VPS50: variants seen among roughly 807,000 people sequenced by gnomAD.
VPS50 encodes VPS50 subunit of EARP/GARPII complex.
VPS50 carries 70 observed loss-of-function variants against 139.7 expected under a neutral mutation model. The observed-to-expected ratio is 0.50, with a 90% confidence interval of 0.41 to 0.61. The LOEUF (loss-of-function observed/expected upper bound fraction) is 0.61. Ranked by LOEUF, VPS50 falls within the 20% of genes least tolerant of loss-of-function variation. The pLI, the probability that VPS50 is intolerant of heterozygous loss-of-function variation, is 0.00. For missense variants in VPS50, 921 were observed against 1,133.7 expected (o/e 0.81, Z 2.69); for synonymous variants, 365 against 376.7 (o/e 0.97, Z 0.36).
intron 1 of VPS50, among the ~76,000 whole-genome samples, chr7:93,236,974 A>G (rs1449910068): frequency 1.0e-5 from 1 of 96,412 alleles, no homozygotes; most frequent in Non-Finnish European, 1.9e-5. Context: ...TTTTTTCGAG[A>G]CAGTCTCACT....
intron 23 of VPS50, among the ~76,000 whole-genome samples, chr7:93,343,064 C>A (rs1406984575): frequency 6.6e-6 from 1 of 151,918 alleles, no homozygotes; most frequent in African/African-American, 2.4e-5. Flanking sequence ...AAACCAAAGG[C>A]AAAGAAGTAG....
chr7:93,274,458 A>C (rs916421103), intron 11 of VPS50, among the ~76,000 whole-genome samples: 4 of 152,104 alleles, frequency 2.6e-5, no homozygotes, highest in African/African-American at 9.7e-5. Flanking sequence ...CTGTAAGTGG[A>C]GTAACAAAGC....
At chr7:93,305,801 G>T in intron 17 of VPS50, 27 bp from the exon 18 acceptor site, 2 of 1,585,426 alleles carry the variant, frequency 1.3e-6, no homozygotes, top group Non-Finnish European at 1.7e-6. Context: ...TTGCTAAAGG[G>T]TATCTGGCTC....
At chr7:93,323,927 G>T (rs1240157487) in intron 21 of VPS50, among the ~76,000 whole-genome samples, 195 bp downstream of exon 21, 2 of 152,092 alleles carry the variant, frequency 1.3e-5, no homozygotes, top group African/African-American at 2.4e-5. Flanking sequence ...GCTTTGGTAT[G>T]ATAAACACAT....
chr7:93,276,331 A>G (rs143451985), intron 12 of VPS50, 26 bp downstream of exon 12: 153 of 1,585,666 alleles, frequency 9.6e-5, no homozygotes, highest in Non-Finnish European at 1.3e-4. Flanking sequence ...ATTACTATTC[A>G]TATATCTCTC....
Position 93,272,641 on chromosome 7 carries a change from C to T in VPS50, c.709C>T (p.Leu237=). The T allele has an allele frequency of 6.8e-7, 1 of 1,461,230 alleles. No homozygotes were observed. The highest frequency in any genetic ancestry group is 2.4e-5 in the East Asian group (1 of 41,758). The allele number at this position is 1,461,230 out of a possible 1,614,324, so 90.5% of individuals were successfully genotyped here. ...TCTTCTTTTAATTATATAGGAACAG[C>T]TGGACGTAGCTCTTTCCAAAATCTG... ...QDTLEQIEEQ[L]DVALSKICKN... Residue 237 remains leucine, a synonymous_variant, in exon 11 of 28, where the codon CTG becomes TTG. Coordinates refer to ENST00000305866, the MANE Select transcript of VPS50 (RefSeq NM_017667.4).
intron 26 of VPS50, 52 bp downstream of exon 26, chr7:93,353,813 T>C: frequency 7.3e-7 from 1 of 1,363,700 alleles, no homozygotes; most frequent in Non-Finnish European, 1.0e-6. Flanking sequence ...AATTGTAATA[T>C]ATGAATAACA....
At position 93,354,950 on chromosome 7, in the gene VPS50, TGA is replaced by T. The variant is rs548485277; in HGVS notation, c.2586-940_2586-939del. ...AATAATGTATTAGAAAGTGGGAAGA[TGA>T]CAGTGACAAGCTGACAACAGTCGTG... is the stretch of plus-strand genomic sequence containing the variant. On this transcript the variant is annotated intron_variant, in intron 26 of 27. Transcript: ENST00000305866. Among the ~76,000 whole-genome samples, 10 of 152,280 alleles carry T rather than the reference TGA, an allele frequency of 6.6e-5. No homozygotes were observed. In the South Asian group the frequency reaches 1.9e-3, roughly 28 times the overall value.
At chr7:93,294,748 A>G (rs1796757408) in intron 14 of VPS50, 112 bp downstream of exon 14, 4 of 786,226 alleles carry the variant, frequency 5.1e-6, no homozygotes, top group East Asian at 2.8e-5. Flanking sequence ...AGATTTAATC[A>G]TATGTTTCTG....
chr7:93,272,687 A>C lies in VPS50; in HGVS notation c.755A>C (p.His252Pro). Residue 252 changes from histidine (H) to proline (P), a missense_variant, in exon 11 of 28, where the codon CAT becomes CCT. His to Pro is a moderately conservative substitution (Grantham distance 77, BLOSUM62 -2). This residue lies in a region of VPS50 where 744 missense variants were observed against 930.6 expected (regional missense o/e 0.80). Transcript: ENST00000305866. Reference protein sequence around the residue: ...SKICKNFDINHYTKVQQAYRL... With the variant: ...SKICKNFDINPYTKVQQAYRL... ...ATCTGCAAGAATTTTGACATTAACCATTATACCAAGGTTCAACAAGCTTAT... is the reference window on the plus strand; with the variant it reads ...ATCTGCAAGAATTTTGACATTAACCCTTATACCAAGGTTCAACAAGCTTAT... The C allele has an allele frequency of 2.5e-6, 4 of 1,578,966 alleles. No individual in the cohort carries two copies. The highest frequency in any genetic ancestry group is 1.7e-4 in the Middle Eastern group (1 of 5,974).
chr7:93,311,317 T>C (rs903170914), intron 20 of VPS50, 45 bp downstream of exon 20: 1 of 839,512 alleles, frequency 1.2e-6, no homozygotes, highest in Non-Finnish European at 2.1e-6. Context: ...GTTAAATTAG[T>C]TTGTTACCGA....
At chr7:93,289,973 A>G (rs1796602906) in intron 12 of VPS50, among the ~76,000 whole-genome samples, 1 of 151,784 alleles carries the variant, frequency 6.6e-6, no homozygotes, top group African/African-American at 2.4e-5. Flanking sequence ...GTCTCTTGGG[A>G]GTGTTTCATG....
In VPS50 at chr7:93,310,406, C is replaced by T. The variant is rs567324958; in HGVS notation, c.1749-760C>T. 2.0e-5 allele frequency among the ~76,000 whole-genome samples: 3 copies of T among 151,856 alleles called. No homozygotes were observed. In the East Asian group the frequency reaches 5.8e-4, roughly 29 times the overall value. The stretch of plus-strand genomic sequence containing the variant: ...CAGATTATTAAATCAACTCCTTTAC[C>T]TTGGATTCTTGTCTCTAGGCTTGCC... On this transcript the variant is annotated intron_variant, in intron 19 of 27. Coordinates refer to ENST00000305866, the MANE Select transcript of VPS50 (RefSeq NM_017667.4).
chr7:93,282,061 G>A (rs995228042), intron 12 of VPS50, among the ~76,000 whole-genome samples: 20 of 152,020 alleles, frequency 1.3e-4, no homozygotes, highest in East Asian at 3.9e-4. Flanking sequence ...AAAATTAGCC[G>A]GGCGTGGTGG....
chr7:93,266,563 A>T (rs988308128), intron 9 of VPS50, among the ~76,000 whole-genome samples: 1 of 152,164 alleles, frequency 6.6e-6, no homozygotes, highest in African/African-American at 2.4e-5. Context: ...TGGATAATTT[A>T]TTCCTAATAT....
intron 23 of VPS50, among the ~76,000 whole-genome samples, chr7:93,346,342 A>C (rs1798393217): frequency 6.6e-6 from 1 of 152,222 alleles, no homozygotes; most frequent in Admixed American, 6.5e-5. Context: ...AACAAATGGA[A>C]GAACATTCCA....
chr7:93,296,960 G>T lies in VPS50; in HGVS notation c.1262+124G>T, dbSNP rs76541121. The T allele has an allele frequency of 2.8e-3, 3,972 of 1,435,516 alleles. 106 individuals carry two copies. In the African/African-American group the frequency reaches 0.052, roughly 19 times the overall value. The allele number at this position is 1,435,516 out of a possible 1,614,324, so 88.9% of individuals were successfully genotyped here. The stretch of plus-strand genomic sequence containing the variant: ...GAAGATAATTTTTGCTGCTAAGTTT[G>T]TGAGTGTATTTAAATATTTCTGCCC... On this transcript the variant is annotated intron_variant, in intron 15 of 27. Transcript: ENST00000305866.
intron 12 of VPS50, among the ~76,000 whole-genome samples, chr7:93,282,214 A>C (rs1046599650): frequency 9.2e-5 from 14 of 152,204 alleles, no homozygotes; most frequent in African/African-American, 2.2e-4. Flanking sequence ...AAAAAAAAAA[A>C]AACAAAAAAC....
At chr7:93,266,458 T>C (rs1036714123) in intron 9 of VPS50, among the ~76,000 whole-genome samples, 1 of 152,230 alleles carries the variant, frequency 6.6e-6, no homozygotes, top group African/African-American at 2.4e-5. Flanking sequence ...TTGTTCAAAA[T>C]CTTTATTTCT....
Sources: allele counts gnomAD v4.1 joint callset (sites outside exome capture counted in the v4.1 genomes callset), GRCh38; gene constraint gnomAD v4.1.1; regional missense constraint gnomAD v4.1.1; transcripts MANE v1.5; gene names NCBI Gene and HGNC (gene_info 2026-07-23, HGNC 2026-07-21).